SLC6A11: variants seen among roughly 807,000 people sequenced by gnomAD.
SLC6A11 encodes sodium- and chloride-dependent GABA transporter 3.
A neutral mutation model predicts 74.8 loss-of-function variants in SLC6A11; 25 were observed. The ratio of observed to expected loss-of-function variants is 0.33; its 90% CI spans 0.24 to 0.47. The LOEUF is 0.47. SLC6A11 is among the 20% of genes least tolerant of loss of function. SLC6A11 has a pLI of 1.00. For missense variants in SLC6A11, 574 were observed against 837.0 expected (o/e 0.69, Z 3.88); for synonymous variants, 330 against 330.2 (o/e 1.00, Z 0.01).
At chr3:10,843,943 A>T (rs1001970503) in intron 4 of SLC6A11, among the ~76,000 whole-genome samples, 3 of 152,348 alleles carry the variant, frequency 2.0e-5, no homozygotes, top group Middle Eastern at 3.4e-3. Flanking sequence ...GGCTGGGTGC[A>T]TCCTCCATCG....
rs750200399 is a variant in SLC6A11, at chr3:10,874,951, T to G, written c.757-10T>G. Reference sequence around the variant, plus strand: ...CCCTTCTTGATTCTGTCCTCTCCTCTTGTGCACAGGTTGTATACGTGACTG... The same window carrying G: ...CCCTTCTTGATTCTGTCCTCTCCTCGTGTGCACAGGTTGTATACGTGACTG... On this transcript the variant is annotated splice_polypyrimidine_tract_variant and intron_variant, in intron 5 of 13. Transcript: ENST00000254488. The G allele has an allele frequency of 1.2e-6, 2 of 1,601,338 alleles. No individual in the cohort carries two copies. Among genetic ancestry groups the G allele is most frequent in the South Asian group, 2.2e-5 (2 of 89,328 alleles).
intron 6 of SLC6A11, among the ~76,000 whole-genome samples, chr3:10,909,253 A>T (rs1439577857): frequency 6.6e-6 from 1 of 152,132 alleles, no homozygotes; most frequent in East Asian, 1.9e-4. Flanking sequence ...CTGAGCAGAG[A>T]AGAGGTAGCT....
At position 10,854,177 on chromosome 3, in the gene SLC6A11, T is replaced by C. The variant is rs183412819; in HGVS notation, c.756+9831T>C. ...CTGAGGCAGGCGGATCACCTGAGGT[T>C]AGGAGTTCAGGACCAGCCTAGCCAA... is the stretch of plus-strand genomic sequence containing the variant. On this transcript the variant is annotated intron_variant, in intron 5 of 13. Coordinates refer to ENST00000254488, the MANE Select transcript of SLC6A11 (RefSeq NM_014229.3). 1.1e-3 allele frequency among the ~76,000 whole-genome samples: 168 copies of C among 152,244 alleles called. 2 individuals carry two copies. The highest frequency in any genetic ancestry group is 3.9e-3 in the African/African-American group (160 of 41,548).
chr3:10,839,742 G>A (rs996516412), intron 4 of SLC6A11, among the ~76,000 whole-genome samples: 2 of 152,218 alleles, frequency 1.3e-5, no homozygotes, highest in Admixed American at 1.3e-4. Context: ...AGCAACCTGA[G>A]TGTCTTGCCA....
At chr3:10,850,933 C>T (rs1439579590) in intron 5 of SLC6A11, among the ~76,000 whole-genome samples, 1 of 152,126 alleles carries the variant, frequency 6.6e-6, no homozygotes, top group East Asian at 1.9e-4. Flanking sequence ...TCAGAGACAC[C>T]TCTCAGGGTT....
chr3:10,826,146 A>G (rs1377018991), intron 4 of SLC6A11, among the ~76,000 whole-genome samples: 1 of 152,276 alleles, frequency 6.6e-6, no homozygotes, highest in Admixed American at 6.5e-5. Flanking sequence ...TGGACATGGT[A>G]TAGCTAGTTC....
At position 10,833,084 on chromosome 3, in the gene SLC6A11, A is replaced by G. The variant is rs570248924; in HGVS notation, c.623+9692A>G. ...ATTAATTTTTTTTTCTTTTTGAGAC[A>G]GAGTTTCGCTCTTGTCGCCCAGGCT... is the stretch of plus-strand genomic sequence containing the variant. On this transcript the variant is annotated intron_variant, in intron 4 of 13. Coordinates refer to ENST00000254488, the MANE Select transcript of SLC6A11 (RefSeq NM_014229.3). 6.2e-4 allele frequency among the ~76,000 whole-genome samples: 94 copies of G among 152,220 alleles called. 1 individual carries two copies. The South Asian group carries it at 0.014, about 22-fold the overall frequency.
intron 6 of SLC6A11, among the ~76,000 whole-genome samples, chr3:10,888,470 G>T (rs1575690370): frequency 1.3e-5 from 2 of 152,222 alleles, no homozygotes; most frequent in African/African-American, 4.8e-5. Flanking sequence ...CCTATGGGCA[G>T]TTGTGGCTGG....
At chr3:10,855,821 AG>A (rs35674840) in intron 5 of SLC6A11, among the ~76,000 whole-genome samples, 5 of 152,226 alleles carry the variant, frequency 3.3e-5, no homozygotes, top group Non-Finnish European at 7.3e-5. Context: ...AGGGGATTCC[AG>A]GGAAAAGAAA....
Position 10,915,065 on chromosome 3 carries a change from G to A in SLC6A11, c.995+2872G>A, listed in dbSNP as rs142894541. Among the ~76,000 whole-genome samples, 10 of 152,308 alleles carry A rather than the reference G, an allele frequency of 6.6e-5. No individual in the cohort carries two copies. The East Asian group carries it at 1.4e-3, about 21-fold the overall frequency. The stretch of plus-strand genomic sequence containing the variant: ...TACATAAGCAAGGAGATGGTGGCCC[G>A]TGGAGCTCGAGTCCCTTACTCCTGT... On this transcript the variant is annotated intron_variant, in intron 7 of 13. Transcript: ENST00000254488. The surrounding 1 kb of genome is among the most constrained non-coding windows in gnomAD (Gnocchi z 4.3).
intron 4 of SLC6A11, among the ~76,000 whole-genome samples, chr3:10,830,730 G>T (rs1018850624): frequency 6.6e-6 from 1 of 152,150 alleles, no homozygotes; most frequent in Non-Finnish European, 1.5e-5. Context: ...CCCCATAGTG[G>T]GAGGCTGTTT....
At chr3:10,928,826 G>A (rs561799596) in intron 9 of SLC6A11, among the ~76,000 whole-genome samples, 150 of 152,180 alleles carry the variant, frequency 9.9e-4, no homozygotes, top group African/African-American at 3.4e-3. Context: ...AAGGGCAGGG[G>A]CTGGTCTCAT....
chr3:10,845,844 A>T (rs1215805597), intron 5 of SLC6A11, among the ~76,000 whole-genome samples: 1 of 152,190 alleles, frequency 6.6e-6, no homozygotes, highest in Non-Finnish European at 1.5e-5. Flanking sequence ...CAACTATAAA[A>T]TTGTGTCATT....
At chr3:10,828,038 G>A (rs2106574948) in intron 4 of SLC6A11, among the ~76,000 whole-genome samples, 1 of 152,262 alleles carries the variant, frequency 6.6e-6, no homozygotes, top group South Asian at 2.1e-4. Context: ...AACCCATTAT[G>A]CATCTGGCAT....
At chr3:10,871,544 G>C (rs570083418) in intron 5 of SLC6A11, among the ~76,000 whole-genome samples, 52 of 152,196 alleles carry the variant, frequency 3.4e-4, no homozygotes, top group Non-Finnish European at 2.4e-4. Context: ...CTTTGGTTGG[G>C]GGGGAGGGGG....
At chr3:10,870,474 G>A (rs1694816626) in intron 5 of SLC6A11, among the ~76,000 whole-genome samples, 2 of 152,226 alleles carry the variant, frequency 1.3e-5, no homozygotes, top group Non-Finnish European at 2.9e-5. Flanking sequence ...AGAATGCTGT[G>A]ATCTATTAGT....
At chr3:10,850,757 C>G (rs1180407412) in intron 5 of SLC6A11, among the ~76,000 whole-genome samples, 1 of 152,156 alleles carries the variant, frequency 6.6e-6, no homozygotes, top group Non-Finnish European at 1.5e-5. Flanking sequence ...TGGAGAACCA[C>G]TACAGGTTTT....
intron 3 of SLC6A11, among the ~76,000 whole-genome samples, chr3:10,822,258 G>GGGGTGCA (rs1296937301): frequency 2.0e-5 from 3 of 152,330 alleles, no homozygotes; most frequent in East Asian, 1.9e-4. Flanking sequence ...GCCATGGTGC[G>GGGGTGCA]GGGTGCAGGG....
intron 5 of SLC6A11, among the ~76,000 whole-genome samples, chr3:10,869,351 T>C (rs1694802551): frequency 6.6e-6 from 1 of 152,180 alleles, no homozygotes; most frequent in Non-Finnish European, 1.5e-5. Flanking sequence ...GTGGCTTCTG[T>C]AGCGAGACAG....
Sources: allele counts gnomAD v4.1 joint callset (sites outside exome capture counted in the v4.1 genomes callset), GRCh38; gene constraint gnomAD v4.1.1; non-coding constraint Gnocchi (gnomAD v3.1); transcripts MANE v1.5; gene names NCBI Gene and HGNC (gene_info 2026-07-23, HGNC 2026-07-21).